The following ACAA2 variants were observed in gnomAD, a reference collection of about 807,000 sequenced individuals.
ACAA2 encodes acetyl-CoA acyltransferase 2.
ACAA2 carries 35 observed loss-of-function variants against 44.8 expected under a neutral mutation model. The ratio of observed to expected loss-of-function variants is 0.78; its 90% confidence interval spans 0.60 to 1.04. ACAA2 has a LOEUF of 1.04. Among genes scored for constraint, ACAA2 ranks in the 50% least tolerant of loss-of-function variants. ACAA2 has a pLI of 0.00. For missense variants in ACAA2, 468 were observed against 482.6 expected, an observed-to-expected ratio of 0.97 and a Z score of 0.28; for synonymous variants, 142 against 166.5, an observed-to-expected ratio of 0.85 and a Z score of 1.13.
At chr18:49,809,656 T>A (rs975538446) in intron 1 of ACAA2, among the ~76,000 whole-genome samples, 7 of 152,224 alleles carry the variant, frequency 4.6e-5, no homozygotes, top group Non-Finnish European at 1.0e-4. Flanking sequence ...TCCAACTACA[T>A]GATATCTGGA....
chr18:49,784,386 TAA>T (rs1311176738), intron 9 of ACAA2, among the ~76,000 whole-genome samples: 1 of 152,220 alleles, frequency 6.6e-6, no homozygotes, highest in African/African-American at 2.4e-5. Context: ...ATGTAATTAA[TAA>T]AGTTTGTCCC....
chr18:49,794,571 G>T, intron 4 of ACAA2, 144 bp from the exon 5 acceptor site: 1 of 640,920 alleles, frequency 1.6e-6, no homozygotes, highest in Non-Finnish European at 2.4e-6. Flanking sequence ...ATTCAGTTAT[G>T]GGATATTTTT....
chr18:49,802,959 T>C, intron 1 of ACAA2, 106 bp from the exon 2 acceptor site: 1 of 1,326,504 alleles, frequency 7.5e-7, no homozygotes, highest in Non-Finnish European at 1.1e-6. Flanking sequence ...AATTAGATAA[T>C]GGAAATTTCT....
chr18:49,783,770 T>C lies in ACAA2; in HGVS notation c.*77A>G. The C allele has an allele frequency of 8.1e-7, 1 of 1,229,292 alleles. No individual in the cohort carries two copies. Among genetic ancestry groups the C allele is most frequent in the Non-Finnish European group, 1.2e-6 (1 of 845,812 alleles). The allele number at this position is 1,229,292 out of a possible 1,614,324, so 76.1% of individuals were successfully genotyped here. Reference sequence around the variant, plus strand: ...GCAGGGCATGGCCAGTTGTGGCAGCTGCTCTGAAGGTCACTTGTTTTACTG... The same window carrying C: ...GCAGGGCATGGCCAGTTGTGGCAGCCGCTCTGAAGGTCACTTGTTTTACTG... On this transcript the variant is annotated 3_prime_UTR_variant, in exon 10 of 10. Coordinates refer to ENST00000285093, the MANE Select transcript of ACAA2 (RefSeq NM_006111.3).
intron 7 of ACAA2, among the ~76,000 whole-genome samples, chr18:49,788,858 T>G (rs1186107154): frequency 6.6e-6 from 1 of 152,114 alleles, no homozygotes; most frequent in Non-Finnish European, 1.5e-5. Flanking sequence ...GGTTTAGTAT[T>G]CTTGTTAGGA....
rs71169448 is a variant in ACAA2, at chr18:49,787,272, A to AC, written c.954+18_954+19insG. ...TTATTCATGTTGTTAAAAAAAAAAA[A>AC]AAAAAAAAAAACACTTACCTCTACC... On this transcript the variant is annotated intron_variant, in intron 8 of 9. Transcript: ENST00000285093. 0.31 allele frequency: 406,775 copies of AC among 1,316,028 alleles called. 26,684 individuals are homozygous for AC. The highest frequency in any genetic ancestry group is 0.35 in the Middle Eastern group (1,250 of 3,548). 81.5% of individuals were successfully genotyped at this position (1,316,028 alleles called of 1,614,324 possible).
At chr18:49,801,047 GA>G (rs1256811127) in intron 2 of ACAA2, among the ~76,000 whole-genome samples, 11 of 152,000 alleles carry the variant, frequency 7.2e-5, no homozygotes, top group African/African-American at 2.7e-4. Context: ...GGAAGAAAAA[GA>G]AATAAAAAGA....
At chr18:49,804,456 C>T (rs964010745) in intron 1 of ACAA2, among the ~76,000 whole-genome samples, 7 of 152,168 alleles carry the variant, frequency 4.6e-5, no homozygotes, top group Non-Finnish European at 8.8e-5. Flanking sequence ...GTGTATCCCC[C>T]ACCTCCAGTA....
At chr18:49,800,508 G>A (rs1327039248) in intron 2 of ACAA2, among the ~76,000 whole-genome samples, 1 of 152,158 alleles carries the variant, frequency 6.6e-6, no homozygotes, top group Non-Finnish European at 1.5e-5. Context: ...GTGTCTGTGT[G>A]GAAAGAAGTA....
intron 2 of ACAA2, among the ~76,000 whole-genome samples, chr18:49,801,814 A>ATATC (rs1491158195): frequency 1.4e-4 from 19 of 135,000 alleles, no homozygotes; most frequent in African/African-American, 4.1e-4. Flanking sequence ...ATATATATAT[A>ATATC]TCTTATCTTT....
At chr18:49,791,370 C>T in intron 7 of ACAA2, 100 bp downstream of exon 7, 1 of 1,089,676 alleles carries the variant, frequency 9.2e-7, no homozygotes, top group Non-Finnish European at 1.3e-6. Context: ...CTTTTCTCTA[C>T]AGGTGACCTT....
chr18:49,784,264 A>T (rs530323247), intron 9 of ACAA2, among the ~76,000 whole-genome samples: 5 of 152,336 alleles, frequency 3.3e-5, no homozygotes, highest in African/African-American at 1.2e-4. Context: ...AAGGAGTGAG[A>T]AGAGGAGGTA....
chr18:49,784,368 T>C (rs888574648), intron 9 of ACAA2, among the ~76,000 whole-genome samples: 1 of 152,178 alleles, frequency 6.6e-6, no homozygotes, highest in African/African-American at 2.4e-5. Context: ...CATGGCACCT[T>C]AGAAGAAATG....
rs780026982 is a variant in ACAA2 at position 49,792,288 on chromosome 18, A to G, written c.617T>C (p.Ile206Thr). The G allele has an allele frequency of 3.2e-5, 51 of 1,613,684 alleles. No homozygotes were observed. Among genetic ancestry groups the G allele is most frequent in the Non-Finnish European group, 4.2e-5 (49 of 1,179,914 alleles). Residue 206 changes from isoleucine (I) to threonine (T), a missense_variant, in exon 6 of 10, where the codon ATT becomes ACT. By Grantham distance (89) the Ile-to-Thr change is moderately conservative (BLOSUM62 -1). Coordinates refer to ENST00000285093, the MANE Select transcript of ACAA2 (RefSeq NM_006111.3). ...AGYFNDEMAP[I>T]EVKTKKGKQT... ...TTTTCCTTTCTTTGTCTTCACTTCA[A>G]TTGGTGCCATTTCATCATTAAAGTA... is the stretch of plus-strand genomic sequence containing the variant.
chr18:49,792,125 C>T, intron 6 of ACAA2, 27 bp downstream of exon 6: 1 of 1,587,566 alleles, frequency 6.3e-7, no homozygotes, highest in Non-Finnish European at 8.6e-7. Context: ...AGGAAGAATT[C>T]AAGCTAATCT....
At chr18:49,793,751 T>C (rs184651871) in intron 5 of ACAA2, among the ~76,000 whole-genome samples, 1 of 152,236 alleles carries the variant, frequency 6.6e-6, no homozygotes, top group Non-Finnish European at 1.5e-5. Flanking sequence ...TATAGCAACC[T>C]GCTGTGCTAC....
At chr18:49,811,454 T>C (rs1336175582) in intron 1 of ACAA2, 1 of 152,212 alleles carries the variant, frequency 6.6e-6, no homozygotes, top group African/African-American at 2.4e-5. Flanking sequence ...AGCTATGATC[T>C]GTCGAGCGAA....
intron 3 of ACAA2, among the ~76,000 whole-genome samples, chr18:49,796,697 A>G (rs541183866): frequency 2.6e-5 from 4 of 152,166 alleles, no homozygotes; most frequent in Non-Finnish European, 4.4e-5. Flanking sequence ...TCCTCTCCTA[A>G]ATTCTTGAGA....
At chr18:49,797,616 A>T in intron 2 of ACAA2, 22 bp from the exon 3 acceptor site, 1 of 1,565,950 alleles carries the variant, frequency 6.4e-7, no homozygotes, top group Non-Finnish European at 8.6e-7. Flanking sequence ...AAGGAAAAGA[A>T]AAATAATTTT....
Sources: allele counts gnomAD v4.1 joint callset (sites outside exome capture counted in the v4.1 genomes callset), GRCh38; gene constraint gnomAD v4.1.1; transcripts MANE v1.5; gene names NCBI Gene and HGNC (gene_info 2026-07-23, HGNC 2026-07-21).